The following CDA variants were observed in gnomAD, a reference collection of about 807,000 sequenced individuals.
The protein encoded by CDA is cytidine aminohydrolase.
A neutral mutation model predicts 15.0 loss-of-function variants in CDA; 7 were observed. The ratio of observed to expected loss-of-function variants is 0.47; its 90% CI spans 0.26 to 0.87. The LOEUF (loss-of-function observed/expected upper bound fraction) is 0.87, where lower values mean the gene tolerates loss of function less well. Ranked by LOEUF, CDA falls within the 40% of genes least tolerant of loss-of-function variation. CDA has a pLI of 0.15. For synonymous variants in CDA, 58 were observed against 73.0 expected (o/e 0.79, Z 1.05); for missense variants, 159 against 182.7 (o/e 0.87, Z 0.75).
intron 1 of CDA, among the ~76,000 whole-genome samples, chr1:20,595,483 C>T (rs2052584696): frequency 6.6e-6 from 1 of 152,130 alleles, no homozygotes; most frequent in Non-Finnish European, 1.5e-5. Context: ...ATCCCCCCAA[C>T]ACCACAGCAT....
At chr1:20,594,475 C>A (rs2052574566) in intron 1 of CDA, among the ~76,000 whole-genome samples, 1 of 151,608 alleles carries the variant, frequency 6.6e-6, no homozygotes, top group South Asian at 2.1e-4. Context: ...GGAGATGGCA[C>A]AGAAGGAGGA....
At chr1:20,617,399 C>A (rs1228659451) in intron 3 of CDA, among the ~76,000 whole-genome samples, 1 of 152,116 alleles carries the variant, frequency 6.6e-6, no homozygotes, top group East Asian at 1.9e-4. Context: ...TGGCTGTGTC[C>A]CCACTCAAAT....
chr1:20,604,661 T>C (rs1220731746), intron 1 of CDA, among the ~76,000 whole-genome samples: 1 of 152,138 alleles, frequency 6.6e-6, no homozygotes, highest in African/African-American at 2.4e-5. Flanking sequence ...ATCTGCCTGT[T>C]GTGCTGCCCT....
At chr1:20,612,428 C>G (rs767429096) in intron 2 of CDA, among the ~76,000 whole-genome samples, 1 of 152,094 alleles carries the variant, frequency 6.6e-6, no homozygotes, top group Non-Finnish European at 1.5e-5. Flanking sequence ...CCCCAACTAA[C>G]CAATCGATCT....
chr1:20,594,998 A>G (rs935009035), intron 1 of CDA, among the ~76,000 whole-genome samples: 1 of 151,996 alleles, frequency 6.6e-6, no homozygotes, highest in Non-Finnish European at 1.5e-5. Context: ...GGGAGTATGC[A>G]TCTGGCGATG....
intron 1 of CDA, among the ~76,000 whole-genome samples, chr1:20,596,206 T>C (rs2052590657): frequency 6.6e-6 from 1 of 152,132 alleles, no homozygotes; most frequent in Admixed American, 6.6e-5. Flanking sequence ...CTCGACTAAA[T>C]AGCTGAGTTC....
intron 2 of CDA, among the ~76,000 whole-genome samples, chr1:20,607,132 A>G (rs2052701376): frequency 6.6e-6 from 1 of 152,214 alleles, no homozygotes; most frequent in Non-Finnish European, 1.5e-5. Context: ...ATACAGAAAG[A>G]GAGCTACACC....
intron 3 of CDA, 66 bp downstream of exon 3, chr1:20,613,965 C>A (rs923968629): frequency 2.3e-5 from 34 of 1,469,776 alleles, no homozygotes; most frequent in Non-Finnish European, 4.8e-6. Flanking sequence ...GGGAGCCACG[C>A]CAAGTTGCAG....
intron 3 of CDA, 65 bp downstream of exon 3, chr1:20,613,964 G>A (rs1457217697): frequency 2.2e-5 from 33 of 1,479,204 alleles, no homozygotes; most frequent in Middle Eastern, 2.2e-4. Context: ...TGGGAGCCAC[G>A]CCAAGTTGCA....
At chr1:20,608,741 T>C (rs2052719009) in intron 2 of CDA, among the ~76,000 whole-genome samples, 1 of 152,210 alleles carries the variant, frequency 6.6e-6, no homozygotes, top group African/African-American at 2.4e-5. Flanking sequence ...AAGTTATCAT[T>C]ATTTCTTCTG....
chr1:20,591,156 G>A (rs971960261), intron 1 of CDA, among the ~76,000 whole-genome samples: 5 of 152,088 alleles, frequency 3.3e-5, no homozygotes, highest in Non-Finnish European at 2.9e-5. Context: ...TGGCTAACAC[G>A]GTGAAACTCC....
rs756217771 is a variant in CDA, at chr1:20,613,816, T to C, written c.267-26T>C. 5 of 1,610,084 alleles carry C rather than the reference T, an allele frequency of 3.1e-6. No homozygotes were observed. The East Asian group carries it at 8.9e-5, about 29-fold the overall frequency. ...TCCTCAGTCCTTGGGAGAGACTAATTTGAGTTTGATTCTTTGCTTCCCCAG... is the reference window on the plus strand; with the variant it reads ...TCCTCAGTCCTTGGGAGAGACTAATCTGAGTTTGATTCTTTGCTTCCCCAG... On this transcript the variant is annotated intron_variant, in intron 2 of 3. Transcript: ENST00000375071.
chr1:20,601,253 T>C (rs2052641015), intron 1 of CDA, among the ~76,000 whole-genome samples: 1 of 152,184 alleles, frequency 6.6e-6, no homozygotes, highest in South Asian at 2.1e-4. Context: ...CCACACTCAG[T>C]GTCTCAAGAG....
chr1:20,608,477 T>G (rs2052714939), intron 2 of CDA, among the ~76,000 whole-genome samples: 1 of 129,084 alleles, frequency 7.7e-6, no homozygotes, highest in Non-Finnish European at 1.7e-5. Flanking sequence ...TGGCAAGATT[T>G]CGGCTCACTG....
At chr1:20,610,638 A>G (rs2052741183) in intron 2 of CDA, among the ~76,000 whole-genome samples, 1 of 152,180 alleles carries the variant, frequency 6.6e-6, no homozygotes, top group African/African-American at 2.4e-5. Flanking sequence ...GAATTATGAA[A>G]TAGTACATAA....
intron 1 of CDA, among the ~76,000 whole-genome samples, chr1:20,593,561 G>T (rs1172272231): frequency 6.6e-6 from 1 of 152,112 alleles, no homozygotes; most frequent in East Asian, 1.9e-4. Flanking sequence ...AGCAGTCTCT[G>T]GTTTCCATTC....
intron 2 of CDA, among the ~76,000 whole-genome samples, chr1:20,609,172 G>A (rs1378702372): frequency 1.3e-5 from 2 of 152,064 alleles, no homozygotes; most frequent in African/African-American, 4.8e-5. Context: ...ATTGGGTAGT[G>A]GGCCACAGAT....
intron 2 of CDA, among the ~76,000 whole-genome samples, chr1:20,611,416 C>T (rs1386253662): frequency 6.6e-6 from 1 of 152,236 alleles, no homozygotes. Flanking sequence ...GAGTCTCGCT[C>T]TGTCACCAGG....
At chr1:20,609,924 A>G (rs1339732708) in intron 2 of CDA, among the ~76,000 whole-genome samples, 1 of 152,224 alleles carries the variant, frequency 6.6e-6, no homozygotes, top group Non-Finnish European at 1.5e-5. Flanking sequence ...CCCATGGAAC[A>G]GAACCTTTCA....
Sources: allele counts gnomAD v4.1 joint callset (sites outside exome capture counted in the v4.1 genomes callset), GRCh38; gene constraint gnomAD v4.1.1; transcripts MANE v1.5; gene names NCBI Gene and HGNC (gene_info 2026-07-23, HGNC 2026-07-21).